The following AFF3 variants were observed in gnomAD, a reference collection of about 807,000 sequenced individuals.
The protein encoded by AFF3 is AF4/FMR2 family member 3.
AFF3 carries 32 observed loss-of-function variants against 129.7 expected under a neutral mutation model. That is an observed-to-expected ratio of 0.25 (90% CI 0.19 to 0.33). AFF3 has a LOEUF of 0.33. Among genes scored for constraint, AFF3 ranks in the 10% least tolerant of loss-of-function variants. The pLI is 1.00. For missense variants in AFF3, 1,373 were observed against 1,592.0 expected, an observed-to-expected ratio of 0.86 and a Z score of 2.34; for synonymous variants, 644 against 635.4, an observed-to-expected ratio of 1.01 and a Z score of -0.20.
chr2:99,731,671 A>C (rs376017347), intron 10 of AFF3, among the ~76,000 whole-genome samples: 19 of 152,336 alleles, frequency 1.2e-4, no homozygotes, highest in African/African-American at 4.1e-4. Context: ...AAAAATCATA[A>C]ACCAATAATG....
At chr2:99,817,738 G>C (rs1467171370) in intron 8 of AFF3, among the ~76,000 whole-genome samples, 1 of 152,130 alleles carries the variant, frequency 6.6e-6, no homozygotes, top group Non-Finnish European at 1.5e-5. Context: ...TTTAATCTCT[G>C]AGCTAAACAA....
intron 14 of AFF3, among the ~76,000 whole-genome samples, chr2:99,596,614 C>A (rs1052392136): frequency 1.5e-5 from 2 of 136,086 alleles, no homozygotes. Context: ...CTGGCCCCGC[C>A]ACTGCGTTTC....
At chr2:99,823,659 C>A (rs1029340391) in intron 8 of AFF3, among the ~76,000 whole-genome samples, 1 of 152,118 alleles carries the variant, frequency 6.6e-6, no homozygotes, top group Non-Finnish European at 1.5e-5. Flanking sequence ...GTCATATGTT[C>A]TTTGCAGTGC....
chr2:100,058,255 C>A (rs540581150), intron 4 of AFF3, among the ~76,000 whole-genome samples: 27 of 152,282 alleles, frequency 1.8e-4, no homozygotes, highest in Admixed American at 5.2e-4. Context: ...AGGGACATAA[C>A]TAGTAAATGG....
chr2:99,638,110 G>C (rs530565077), intron 13 of AFF3, among the ~76,000 whole-genome samples: 6 of 149,322 alleles, frequency 4.0e-5, no homozygotes, highest in Non-Finnish European at 8.9e-5. Context: ...GTCTTGCTCT[G>C]TTGCCTAGGC....
intron 7 of AFF3, among the ~76,000 whole-genome samples, chr2:99,929,264 T>C (rs1198546979): frequency 6.6e-6 from 1 of 151,916 alleles, no homozygotes; most frequent in Non-Finnish European, 1.5e-5. Flanking sequence ...GAGGCAGAGG[T>C]TGTGGTGTGC....
At chr2:99,586,045 C>T (rs2104875893) in intron 16 of AFF3, among the ~76,000 whole-genome samples, 1 of 152,302 alleles carries the variant, frequency 6.6e-6, no homozygotes, top group Middle Eastern at 3.4e-3. Flanking sequence ...CAGCTATTTT[C>T]ATATCATATT....
intron 7 of AFF3, among the ~76,000 whole-genome samples, chr2:99,959,696 C>A (rs1263553736): frequency 7.2e-6 from 1 of 138,154 alleles, no homozygotes; most frequent in South Asian, 2.5e-4. Flanking sequence ...TAGTGTATAG[C>A]ATATATATAT....
chr2:99,762,516 T>C (rs1682700740), intron 8 of AFF3, among the ~76,000 whole-genome samples: 1 of 152,186 alleles, frequency 6.6e-6, no homozygotes, highest in Admixed American at 6.5e-5. Flanking sequence ...AAATCCCTAC[T>C]AGATTACAAA....
At chr2:99,656,107 A>G (rs1460643750) in intron 12 of AFF3, among the ~76,000 whole-genome samples, 1 of 152,224 alleles carries the variant, frequency 6.6e-6, no homozygotes, top group Non-Finnish European at 1.5e-5. Context: ...AAAGTTGCCT[A>G]CAAGATGTTT....
intron 4 of AFF3, among the ~76,000 whole-genome samples, chr2:100,053,034 G>A (rs1686477069): frequency 1.3e-5 from 2 of 152,236 alleles, no homozygotes; most frequent in South Asian, 4.1e-4. Flanking sequence ...AATTGATCCT[G>A]AGAGTTTACT....
intron 8 of AFF3, among the ~76,000 whole-genome samples, chr2:99,807,936 G>A (rs929070390): frequency 1.3e-5 from 2 of 152,172 alleles, no homozygotes; most frequent in East Asian, 3.9e-4. Context: ...CCCAGGCTGT[G>A]AGTATATGTA....
At position 100,001,661 on chromosome 2, in the gene AFF3, C is replaced by T. The variant is rs529767414; in HGVS notation, c.873+4971G>A. On this transcript the variant is annotated intron_variant, in intron 7 of 24. Coordinates refer to ENST00000672756, the MANE Select transcript of AFF3 (RefSeq NM_001386135.1). ...CAGGATGGTCTCCATCTCCTGACCT[C>T]GTGATCCACCCGCCTTGGCCTCCCA... Among the ~76,000 whole-genome samples, 4 of 152,282 alleles carry T rather than the reference C, an allele frequency of 2.6e-5. 1 individual carries two copies. The East Asian group carries it at 5.8e-4, about 22-fold the overall frequency.
intron 7 of AFF3, among the ~76,000 whole-genome samples, chr2:99,992,743 C>G (rs542541598): frequency 6.6e-6 from 1 of 152,300 alleles, no homozygotes; most frequent in African/African-American, 2.4e-5. Flanking sequence ...GAAAATGATT[C>G]CTTCCTTTGA....
intron 5 of AFF3, among the ~76,000 whole-genome samples, chr2:100,008,554 T>TA (rs1483866756): frequency 1.6e-4 from 25 of 152,232 alleles, no homozygotes; most frequent in African/African-American, 6.0e-4. Context: ...GTATTATTGA[T>TA]AAAAATCACA....
intron 4 of AFF3, among the ~76,000 whole-genome samples, chr2:100,057,085 C>T (rs1021336014): frequency 2.0e-5 from 3 of 152,116 alleles, no homozygotes; most frequent in African/African-American, 7.2e-5. Flanking sequence ...CTTTGGGAAG[C>T]CAAGACGGGT....
chr2:99,825,017 G>A (rs1687966627), intron 8 of AFF3, among the ~76,000 whole-genome samples: 2 of 152,138 alleles, frequency 1.3e-5, no homozygotes, highest in Non-Finnish European at 1.5e-5. Context: ...GGAGCATGCT[G>A]GAAGAGTTCT....
chr2:99,738,880 T>A (rs556148632), intron 10 of AFF3, among the ~76,000 whole-genome samples: 1 of 152,250 alleles, frequency 6.6e-6, no homozygotes, highest in South Asian at 2.1e-4. Flanking sequence ...AGAATTTTTG[T>A]TTATTTCCCT....
chr2:100,136,664 G>A (rs1467623863), intron 1 of AFF3, among the ~76,000 whole-genome samples: 1 of 152,122 alleles, frequency 6.6e-6, no homozygotes, highest in East Asian at 1.9e-4. Context: ...GACAAAACAA[G>A]TAGCACACTT....
Sources: gnomAD v4.1 joint callset for allele counts (sites outside exome capture counted in the v4.1 genomes callset) on GRCh38, gnomAD v4.1.1 for gene constraint, MANE v1.5 for transcripts, NCBI Gene and HGNC (gene_info 2026-07-23, HGNC 2026-07-21) for gene names.